TOX: variants seen among roughly 807,000 people sequenced by gnomAD.
TOX encodes the protein thymocyte selection associated high mobility group box.
Under a neutral mutation model 53.7 loss-of-function variants are expected in TOX, and 11 were observed. That is an observed-to-expected ratio of 0.20 (90% CI 0.13 to 0.34). TOX has a LOEUF of 0.34. TOX is among the 10% of genes least tolerant of loss of function. The pLI is 1.00. For missense variants in TOX, 570 were observed against 664.6 expected (o/e 0.86, Z 1.56); for synonymous variants, 225 against 245.3 (o/e 0.92, Z 0.77).
intron 2 of TOX, among the ~76,000 whole-genome samples, chr8:58,944,923 C>T (rs1025741397): frequency 2.0e-5 from 3 of 152,104 alleles, no homozygotes; most frequent in Non-Finnish European, 4.4e-5. Context: ...AAGTGTAAAC[C>T]CGTTCATACC....
chr8:58,944,150 C>T (rs761193673), intron 2 of TOX, among the ~76,000 whole-genome samples: 10 of 152,176 alleles, frequency 6.6e-5, no homozygotes, highest in Non-Finnish European at 7.3e-5. Context: ...TGCTGAGCTA[C>T]GCAACAGGAC....
chr8:58,864,291 T>G (rs759780508), intron 3 of TOX, among the ~76,000 whole-genome samples: 3 of 152,188 alleles, frequency 2.0e-5, no homozygotes, highest in Non-Finnish European at 4.4e-5. Context: ...ATGTGATTCT[T>G]AAGTGTATTG....
intron 2 of TOX, among the ~76,000 whole-genome samples, chr8:58,956,060 C>T (rs1363238276): frequency 6.6e-6 from 1 of 152,010 alleles, no homozygotes; most frequent in East Asian, 1.9e-4. Flanking sequence ...GAAACTGACA[C>T]AGAAGAGGAA....
At chr8:58,827,567 A>G (rs1258690779) in intron 5 of TOX, among the ~76,000 whole-genome samples, 2 of 152,220 alleles carry the variant, frequency 1.3e-5, no homozygotes, top group African/African-American at 4.8e-5. Flanking sequence ...CAAGAAAAAC[A>G]CTGGATGTCA....
rs1487841360 is a variant in TOX at position 59,032,099 on chromosome 8, A to C, written c.103-72091T>G. Among the ~76,000 whole-genome samples, 2 of 152,210 alleles carry C rather than the reference A, an allele frequency of 1.3e-5. 1 individual carries two copies. The highest frequency in any genetic ancestry group is 2.9e-5 in the Non-Finnish European group (2 of 68,044). On this transcript the variant is annotated intron_variant, in intron 1 of 8. Coordinates refer to ENST00000361421, the MANE Select transcript of TOX (RefSeq NM_014729.3). ...AAAGCAATCCATACGAGCTGCACTC[A>C]TGGTTTGGCTAGAGCAGGAATATCA...
chr8:59,042,025 GTTTTC>G (rs1467307674), intron 1 of TOX, among the ~76,000 whole-genome samples: 1 of 152,084 alleles, frequency 6.6e-6, no homozygotes, highest in Non-Finnish European at 1.5e-5. Flanking sequence ...ATTCTCCCTA[GTTTTC>G]TTTTCTCCAT....
chr8:58,944,779 C>T (rs1421743360), intron 2 of TOX, among the ~76,000 whole-genome samples: 1 of 152,180 alleles, frequency 6.6e-6, no homozygotes, highest in Non-Finnish European at 1.5e-5. Flanking sequence ...CGGATTTATA[C>T]ATGCCATGGG....
chr8:59,012,252 G>C (rs893601014), intron 1 of TOX, among the ~76,000 whole-genome samples: 15 of 152,140 alleles, frequency 9.9e-5, no homozygotes, highest in African/African-American at 3.6e-4. Context: ...TTGATTATTA[G>C]TTTAGAACCA....
chr8:58,935,368 C>T (rs4737529), intron 3 of TOX, among the ~76,000 whole-genome samples: 51,976 of 151,906 alleles, frequency 0.34, 9,353 homozygotes, highest in Non-Finnish European at 0.39. Flanking sequence ...TACAAAGATA[C>T]AATCACAGTA....
chr8:59,094,837 A>C (rs1804687619), intron 1 of TOX, among the ~76,000 whole-genome samples: 1 of 152,196 alleles, frequency 6.6e-6, no homozygotes, highest in Admixed American at 6.5e-5. Flanking sequence ...ACCCTAAGAG[A>C]AACACATATT....
intron 1 of TOX, among the ~76,000 whole-genome samples, chr8:59,107,341 T>C (rs888570560): frequency 1.3e-5 from 2 of 152,096 alleles, no homozygotes; most frequent in Admixed American, 1.3e-4. Context: ...GAACATCTAA[T>C]CAAAGACTGT....
intron 1 of TOX, among the ~76,000 whole-genome samples, chr8:58,960,577 TAATAAC>T (rs1341178724): frequency 2.0e-5 from 3 of 152,170 alleles, no homozygotes; most frequent in African/African-American, 7.2e-5. Context: ...CTAAGAATGA[TAATAAC>T]AATAAAAATA....
chr8:58,820,839 T>C (rs1238981672), intron 6 of TOX, among the ~76,000 whole-genome samples: 1 of 152,204 alleles, frequency 6.6e-6, no homozygotes, highest in Non-Finnish European at 1.5e-5. Flanking sequence ...CAACACTCAT[T>C]TTGGGAATAT....
At chr8:59,067,841 C>T (rs537156599) in intron 1 of TOX, among the ~76,000 whole-genome samples, 43 of 152,262 alleles carry the variant, frequency 2.8e-4, no homozygotes, top group Non-Finnish European at 5.0e-4. Flanking sequence ...TTTTCATACC[C>T]GTTTCTCTGA....
intron 3 of TOX, among the ~76,000 whole-genome samples, chr8:58,859,951 C>T (rs920024298): frequency 2.6e-5 from 4 of 152,300 alleles, no homozygotes; most frequent in Middle Eastern, 3.4e-3. Context: ...AACCTGTTAA[C>T]GCCCTTAGTG....
chr8:59,113,956 T>G (rs1039601676), intron 1 of TOX, among the ~76,000 whole-genome samples: 23 of 152,298 alleles, frequency 1.5e-4, no homozygotes, highest in Middle Eastern at 3.4e-3. Context: ...CCCCACTACC[T>G]TCGTCATTTT....
rs142734742 is a variant in TOX, at chr8:58,930,374, T to C, written c.411+8928A>G. ...GCTATCAGCAGTTTCTACATGGAGG[T>C]CTAGGCAATGAAACCAAGTAAACTC... On this transcript the variant is annotated intron_variant, in intron 3 of 8. Transcript: ENST00000361421. 7.2e-3 allele frequency among the ~76,000 whole-genome samples: 1,091 copies of C among 152,220 alleles called. 4 individuals carry two copies. The highest frequency in any genetic ancestry group is 0.01 in the Non-Finnish European group (681 of 68,004).
chr8:58,825,522 T>TC (rs1195042672), intron 6 of TOX, among the ~76,000 whole-genome samples: 1 of 152,216 alleles, frequency 6.6e-6, no homozygotes. Flanking sequence ...AATCTGCATA[T>TC]CATTAACTAG....
At chr8:58,996,030 A>G (rs1249387133) in intron 1 of TOX, among the ~76,000 whole-genome samples, 1 of 152,158 alleles carries the variant, frequency 6.6e-6, no homozygotes, top group Non-Finnish European at 1.5e-5. Context: ...TAAATATGGA[A>G]ATCTATTCTT....
Sources: gnomAD v4.1 joint callset for allele counts (sites outside exome capture counted in the v4.1 genomes callset) on GRCh38, gnomAD v4.1.1 for gene constraint, MANE v1.5 for transcripts, NCBI Gene and HGNC (gene_info 2026-07-23, HGNC 2026-07-21) for gene names.